CMKLR1: variants seen among roughly 807,000 people sequenced by gnomAD.
The protein encoded by CMKLR1 is chemerin chemokine-like receptor 1, also known as chemerin-like receptor 1.
In CMKLR1, 6 loss-of-function variants were observed where a neutral mutation model predicts 8.2. That is an observed-to-expected ratio of 0.73 (90% CI 0.40 to 1.44). The LOEUF (loss-of-function observed/expected upper bound fraction) is 1.44. Ranked by LOEUF, CMKLR1 falls within the 40% of genes most tolerant of loss-of-function variation. The probability of loss-of-function intolerance (pLI) is 0.02; values close to 1 mark genes in which losing one functional copy is unlikely to be tolerated. For synonymous variants in CMKLR1, 178 were observed against 181.2 expected (o/e 0.98, Z 0.14); for missense variants, 429 against 478.0 (o/e 0.90, Z 0.96).
intron 2 of CMKLR1, among the ~76,000 whole-genome samples, chr12:108,311,747 C>T (rs1353236569): frequency 6.6e-6 from 1 of 152,180 alleles, no homozygotes; most frequent in African/African-American, 2.4e-5. Context: ...GGGCATTAGC[C>T]TCCCTTCCCC....
At chr12:108,333,629 C>A (rs1024895676) in intron 1 of CMKLR1, among the ~76,000 whole-genome samples, 3 of 152,140 alleles carry the variant, frequency 2.0e-5, no homozygotes, top group African/African-American at 7.2e-5. Context: ...CATAGCATGC[C>A]CACCTTATGA....
In CMKLR1 at chr12:108,301,001, G is replaced by C. The variant is rs921909525; in HGVS notation, c.-73-7337C>G. 4.8e-4 allele frequency among the ~76,000 whole-genome samples: 72 copies of C among 151,044 alleles called. 1 individual carries two copies. The highest frequency in any genetic ancestry group is 1.6e-3 in the African/African-American group (64 of 41,188). ...CTACAAAGCACGTTCCATCACTGTA[G>C]AGCAGAAAGTCAATGTTGCTATTGT... On this transcript the variant is annotated intron_variant, in intron 2 of 3. Coordinates refer to ENST00000550402, the MANE Select transcript of CMKLR1 (RefSeq NM_001142343.2).
Position 108,320,334 on chromosome 12 carries a change from C to G in CMKLR1, c.-74+9661G>C, listed in dbSNP as rs148760527. Among the ~76,000 whole-genome samples, 129 of 152,186 alleles carry G rather than the reference C, an allele frequency of 8.5e-4. No homozygotes were observed. In the East Asian group the frequency reaches 0.023, roughly 27 times the overall value. Reference sequence around the variant, plus strand: ...CCAAAGGGGTGGCATGACTAGGGGACGAAGCCCTGAGCTTCCCTCCCCAAG... The same window carrying G: ...CCAAAGGGGTGGCATGACTAGGGGAGGAAGCCCTGAGCTTCCCTCCCCAAG... On this transcript the variant is annotated intron_variant, in intron 2 of 3. Coordinates refer to ENST00000550402, the MANE Select transcript of CMKLR1 (RefSeq NM_001142343.2).
chr12:108,336,650 G>A lies in CMKLR1; in HGVS notation c.-287+2377C>T, dbSNP rs141226533. 1.7e-3 allele frequency among the ~76,000 whole-genome samples: 254 copies of A among 152,282 alleles called. 4 individuals are homozygous for A. Among genetic ancestry groups the A allele is most frequent in the African/African-American group, 5.4e-3 (225 of 41,564 alleles). ...TCTACTTCATAGCCTCGCAACTGGC[G>A]GTAATGTCTGCACCCATGTGGTGTA... On this transcript the variant is annotated intron_variant, in intron 1 of 3. Transcript: ENST00000550402.
intron 2 of CMKLR1, among the ~76,000 whole-genome samples, chr12:108,322,596 G>A (rs1891888006): frequency 6.6e-6 from 1 of 151,846 alleles, no homozygotes; most frequent in Non-Finnish European, 1.5e-5. Context: ...ATGCCAACAG[G>A]TTCCCCTAGC....
intron 2 of CMKLR1, among the ~76,000 whole-genome samples, chr12:108,303,242 G>A (rs950491431): frequency 4.6e-5 from 7 of 152,160 alleles, no homozygotes; most frequent in African/African-American, 9.7e-5. Context: ...CTTCCTCGTC[G>A]AGCCCAGCCC....
At chr12:108,305,085 C>T (rs1321857289) in intron 2 of CMKLR1, among the ~76,000 whole-genome samples, 2 of 152,228 alleles carry the variant, frequency 1.3e-5, no homozygotes, top group African/African-American at 4.8e-5. Flanking sequence ...TGGGAGGCCC[C>T]TCGGAGGACC....
chr12:108,323,602 C>A (rs2137334023), intron 2 of CMKLR1, among the ~76,000 whole-genome samples: 1 of 152,274 alleles, frequency 6.6e-6, no homozygotes, highest in African/African-American at 2.4e-5. Flanking sequence ...GTTCCATGAA[C>A]CTGCACAAGT....
chr12:108,329,199 T>C (rs907758905), intron 2 of CMKLR1, among the ~76,000 whole-genome samples: 4 of 152,192 alleles, frequency 2.6e-5, no homozygotes, highest in African/African-American at 7.2e-5. Flanking sequence ...CAGGATGCTG[T>C]TCCCATGAAA....
intron 1 of CMKLR1, among the ~76,000 whole-genome samples, chr12:108,335,583 G>A (rs905609389): frequency 3.9e-5 from 6 of 152,156 alleles, no homozygotes; most frequent in African/African-American, 1.2e-4. Flanking sequence ...TATACCATTC[G>A]ACCTCCTTAT....
Position 108,292,543 on chromosome 12 carries a change from A to G in CMKLR1, c.420T>C (p.Ser140=), listed in dbSNP as rs1439110428. 1.4e-5 allele frequency: 22 copies of G among 1,614,102 alleles called. No homozygotes were observed. The highest frequency in any genetic ancestry group is 1.8e-5 in the Non-Finnish European group (21 of 1,180,052). The part of the protein sequence containing the change: ...LTIISSDRCI[S]VLLPVWSQNH... ...TCTGGGACCAGACAGGGAGGAGCAC[A>G]GAGATGCAGCGGTCAGAGCTGATGA... The change falls in exon 4 of 4, where the codon TCT becomes TCC. Residue 140 remains serine (S), a synonymous_variant. Transcript: ENST00000550402.
At chr12:108,314,006 C>T (rs575796510) in intron 2 of CMKLR1, among the ~76,000 whole-genome samples, 2 of 152,184 alleles carry the variant, frequency 1.3e-5, no homozygotes, top group African/African-American at 4.8e-5. Context: ...CCAGCCGACC[C>T]CCACCAGGCC....
rs887562697 is a variant in CMKLR1 at position 108,291,535 on chromosome 12, C to A, written c.*306G>T. 9 of 355,692 alleles carry A rather than the reference C, an allele frequency of 2.5e-5. No homozygotes were observed. The highest frequency in any genetic ancestry group is 1.9e-4 in the African/African-American group (9 of 47,644). 22.0% of individuals were successfully genotyped at this position (355,692 alleles called of 1,614,324 possible). ...ACAATAGGCAGCTTAATCCCACCGCCCTATGCCAATCCCAGTTCATGGCAA... is the reference window on the plus strand; with the variant it reads ...ACAATAGGCAGCTTAATCCCACCGCACTATGCCAATCCCAGTTCATGGCAA... On this transcript the variant is annotated 3_prime_UTR_variant, in exon 4 of 4. Coordinates refer to ENST00000550402, the MANE Select transcript of CMKLR1 (RefSeq NM_001142343.2).
At chr12:108,294,753 G>A (rs11113805) in intron 2 of CMKLR1, among the ~76,000 whole-genome samples, 29,976 of 151,954 alleles carry the variant, frequency 0.2, 3,206 homozygotes, top group Middle Eastern at 0.25. Flanking sequence ...TTTTTTCTGC[G>A]GCTCATGATC....
At chr12:108,334,740 T>C (rs757885625) in intron 1 of CMKLR1, among the ~76,000 whole-genome samples, 7 of 152,222 alleles carry the variant, frequency 4.6e-5, no homozygotes, top group Non-Finnish European at 8.8e-5. Context: ...ATTCTTTTGC[T>C]ATGAGCTGTG....
At chr12:108,322,855 C>G (rs750495411) in intron 2 of CMKLR1, among the ~76,000 whole-genome samples, 1 of 152,168 alleles carries the variant, frequency 6.6e-6, no homozygotes, top group Non-Finnish European at 1.5e-5. Context: ...TCTTTTATAG[C>G]AACACAAAAT....
intron 2 of CMKLR1, among the ~76,000 whole-genome samples, chr12:108,303,258 G>C (rs1281670440): frequency 6.6e-6 from 1 of 152,240 alleles, no homozygotes; most frequent in Non-Finnish European, 1.5e-5. Flanking sequence ...AGCCCCTGCT[G>C]GGGGTGGGAT....
chr12:108,318,484 C>T (rs116436531), intron 2 of CMKLR1, among the ~76,000 whole-genome samples: 4 of 152,192 alleles, frequency 2.6e-5, no homozygotes, highest in African/African-American at 4.8e-5. Flanking sequence ...TCAGTTTCCA[C>T]GTTTATCAAA....
chr12:108,297,499 G>A (rs1375254421), intron 2 of CMKLR1, among the ~76,000 whole-genome samples: 2 of 152,150 alleles, frequency 1.3e-5, no homozygotes, highest in Non-Finnish European at 2.9e-5. Context: ...CAAGGGTCCA[G>A]TGTACATAAT....
Sources: allele counts gnomAD v4.1 joint callset (sites outside exome capture counted in the v4.1 genomes callset), GRCh38; gene constraint gnomAD v4.1.1; transcripts MANE v1.5; gene names NCBI Gene and HGNC (gene_info 2026-07-23, HGNC 2026-07-21).